The following DAB1 variants were observed in gnomAD, a reference collection of about 807,000 sequenced individuals.
DAB1 encodes disabled homolog 1.
Under a neutral mutation model 64.6 loss-of-function variants are expected in DAB1, and 15 were observed. The observed-to-expected ratio is 0.23, with a 90% CI of 0.16 to 0.36. DAB1 has a LOEUF of 0.36. Among genes scored for constraint, DAB1 ranks in the 10% least tolerant of loss-of-function variants. The pLI, the probability that DAB1 is intolerant of heterozygous loss-of-function variation, is 1.00. For synonymous variants in DAB1, 235 were observed against 251.9 expected, an observed-to-expected ratio of 0.93 and a Z score of 0.64; for missense variants, 596 against 706.7, an observed-to-expected ratio of 0.84 and a Z score of 1.78.
At chr1:57,870,658 G>A (rs1643929722) in intron 1 of DAB1, among the ~76,000 whole-genome samples, 1 of 152,122 alleles carries the variant, frequency 6.6e-6, no homozygotes. Flanking sequence ...AGCATGATGA[G>A]GCAGAGGCTG....
At chr1:58,132,039 G>A (rs989092137) in intron 5 of DAB1, among the ~76,000 whole-genome samples, 6 of 152,222 alleles carry the variant, frequency 3.9e-5, no homozygotes, top group Non-Finnish European at 8.8e-5. Context: ...GGGCAATGGC[G>A]GGCGCCCCTC....
Position 57,025,982 on chromosome 1 carries a change from G to C in DAB1, c.785C>G (p.Pro262Arg), listed in dbSNP as rs774314688. The change falls in exon 10 of 15, where the codon CCC becomes CGC. Residue 262 changes from proline to arginine, a missense_variant and splice_region_variant. Coordinates refer to ENST00000371236, the MANE Select transcript of DAB1 (RefSeq NM_001365792.1). ...MSTPPDITSPPTPATPGDAFI... is the reference protein window; with the variant it reads ...MSTPPDITSPRTPATPGDAFI... ...GTTCAGAGAGCAATGCATACTTACGGGGGGAGAGGTTATATCAGGGGGTGT... is the reference window on the plus strand; with the variant it reads ...GTTCAGAGAGCAATGCATACTTACGCGGGGAGAGGTTATATCAGGGGGTGT... The C allele has an allele frequency of 6.3e-7, 1 of 1,580,558 alleles. No homozygotes were observed. Among genetic ancestry groups the C allele is most frequent in the South Asian group, 1.2e-5 (1 of 84,920 alleles).
chr1:58,278,176 C>G (rs1569595819), intron 4 of DAB1, among the ~76,000 whole-genome samples: 1 of 152,262 alleles, frequency 6.6e-6, no homozygotes, highest in South Asian at 2.1e-4. Flanking sequence ...GCAGTTTCCC[C>G]CATGCTGTTC....
At chr1:57,865,604 T>TC (rs1471299917) in intron 1 of DAB1, among the ~76,000 whole-genome samples, 2 of 152,066 alleles carry the variant, frequency 1.3e-5, no homozygotes, top group Non-Finnish European at 1.5e-5. Flanking sequence ...TCTCTCCTCT[T>TC]CCCCCAAGGC....
intron 9 of DAB1, among the ~76,000 whole-genome samples, chr1:57,058,968 A>G (rs1310981944): frequency 1.3e-5 from 2 of 152,206 alleles, no homozygotes; most frequent in African/African-American, 4.8e-5. Context: ...ATCCATTAGG[A>G]TCAGTGCAAA....
chr1:58,347,894 T>C (rs1281285386), intron 3 of DAB1, among the ~76,000 whole-genome samples: 1 of 152,196 alleles, frequency 6.6e-6, no homozygotes, highest in Non-Finnish European at 1.5e-5. Flanking sequence ...CCTCAAACCA[T>C]GATCTGAGCT....
intron 3 of DAB1, among the ~76,000 whole-genome samples, chr1:58,353,145 C>T (rs929636191): frequency 7.2e-5 from 11 of 152,108 alleles, no homozygotes; most frequent in African/African-American, 2.7e-4. Flanking sequence ...TTTGTGTCCT[C>T]TATCATAAAC....
chr1:57,379,021 T>C (rs946118712), intron 1 of DAB1, among the ~76,000 whole-genome samples: 1 of 152,196 alleles, frequency 6.6e-6, no homozygotes. Context: ...TCTCTGTTAG[T>C]TCTTGGGGAC....
chr1:58,522,521 C>A (rs1646280817), intron 2 of DAB1, among the ~76,000 whole-genome samples: 1 of 151,960 alleles, frequency 6.6e-6, no homozygotes, highest in African/African-American at 2.4e-5. Flanking sequence ...ACAAAGTTGC[C>A]CATCACCAAC....
intron 3 of DAB1, among the ~76,000 whole-genome samples, chr1:58,443,346 A>G (rs562502358): frequency 1.3e-5 from 2 of 152,368 alleles, no homozygotes; most frequent in South Asian, 2.1e-4. Context: ...AAAGTGTTAA[A>G]GCTTTAAACA....
intron 5 of DAB1, among the ~76,000 whole-genome samples, chr1:58,127,908 G>C (rs1485416775): frequency 6.6e-6 from 1 of 152,140 alleles, no homozygotes; most frequent in Non-Finnish European, 1.5e-5. Context: ...CCTCCAGCTT[G>C]TTCTTTTGGC....
At chr1:58,295,152 C>A (rs939209406) in intron 4 of DAB1, among the ~76,000 whole-genome samples, 13 of 152,036 alleles carry the variant, frequency 8.6e-5, no homozygotes, top group Non-Finnish European at 1.5e-4. Flanking sequence ...TGCTCCTGGT[C>A]TCCTCCTCCA....
chr1:57,918,622 A>G (rs1283689142), intron 5 of DAB1, among the ~76,000 whole-genome samples: 1 of 152,194 alleles, frequency 6.6e-6, no homozygotes, highest in Non-Finnish European at 1.5e-5. Flanking sequence ...CAGGAGATAC[A>G]GACCATCCTG....
At chr1:58,008,753 C>T (rs575563122) in intron 5 of DAB1, among the ~76,000 whole-genome samples, 1 of 152,176 alleles carries the variant, frequency 6.6e-6, no homozygotes, top group South Asian at 2.1e-4. Context: ...CATGCCAATC[C>T]AAGACATCAG....
downstream of DAB1, among the ~76,000 whole-genome samples, chr1:57,825,503 T>C (rs557927271): frequency 5.1e-4 from 77 of 152,268 alleles, no homozygotes; most frequent in African/African-American, 1.8e-3. Flanking sequence ...TGGATTTTAT[T>C]CTATAAAAGA....
intron 4 of DAB1, among the ~76,000 whole-genome samples, chr1:58,195,196 T>C (rs1657607860): frequency 6.6e-6 from 1 of 152,102 alleles, no homozygotes; most frequent in Admixed American, 6.5e-5. Flanking sequence ...TCTCACCGCC[T>C]AGCATATGGC....
intron 6 of DAB1, 173 bp from the exon 7 acceptor site, chr1:57,071,234 ACCT>A: frequency 1.5e-6 from 1 of 673,180 alleles, no homozygotes; most frequent in Non-Finnish European, 2.5e-6. Context: ...AGCCACTCCC[ACCT>A]CCACCCGCAC....
At chr1:58,377,319 G>T (rs1303042705) in intron 3 of DAB1, among the ~76,000 whole-genome samples, 5,211 of 141,072 alleles carry the variant, frequency 0.037, 121 homozygotes, top group Non-Finnish European at 0.054. Context: ...GGCTGGTACC[G>T]GTTGTTCCTT....
chr1:58,285,920 A>G (rs769636826), intron 4 of DAB1, among the ~76,000 whole-genome samples: 10 of 152,236 alleles, frequency 6.6e-5, no homozygotes, highest in Non-Finnish European at 1.5e-4. Context: ...AAACTACACT[A>G]CAAGGCCACA....
Sources: allele counts gnomAD v4.1 joint callset (sites outside exome capture counted in the v4.1 genomes callset), GRCh38; gene constraint gnomAD v4.1.1; transcripts MANE v1.5; gene names NCBI Gene and HGNC (gene_info 2026-07-23, HGNC 2026-07-21).